PDE4DIP: variants seen among roughly 807,000 people sequenced by gnomAD.
PDE4DIP encodes myomegalin.
In PDE4DIP, 59 loss-of-function variants were observed where a neutral mutation model predicts 221.4. The observed-to-expected ratio is 0.27, with a 90% CI of 0.22 to 0.33. The LOEUF is 0.33. Among genes scored for constraint, PDE4DIP ranks in the 10% least tolerant of loss-of-function variants. The probability of loss-of-function intolerance (pLI) is 1.00; values close to 1 mark genes in which losing one functional copy is unlikely to be tolerated. For synonymous variants in PDE4DIP, 404 were observed against 815.9 expected (o/e 0.50, Z 8.60); for missense variants, 1,036 against 2,154.2 (o/e 0.48, Z 10.28).
chr1:148,861,877 A>G (rs1684350792), intron 1 of PDE4DIP, among the ~76,000 whole-genome samples: 1 of 89,420 alleles, frequency 1.1e-5, no homozygotes, highest in Admixed American at 1.0e-4. Context: ...ACAAGACTCT[A>G]GTGGCTAAAT....
intron 30 of PDE4DIP, among the ~76,000 whole-genome samples, 197 bp downstream of exon 33, chr1:149,009,988 A>G (rs1203237167): frequency 3.3e-5 from 5 of 152,182 alleles, no homozygotes; most frequent in African/African-American, 1.2e-4. Context: ...CGTGGCCTCC[A>G]TGGGCACGTA....
At chr1:148,992,375 G>T in intron 22 of PDE4DIP, 1 of 1,506,924 alleles carries the variant, frequency 6.6e-7, no homozygotes, top group Non-Finnish European at 8.9e-7. Context: ...GGAGGTGGCA[G>T]GGCGGAGGAC....
At chr1:149,010,539 C>G in exon 31 of PDE4DIP, 2 of 1,614,020 alleles carry the variant, frequency 1.2e-6, no homozygotes, top group Non-Finnish European at 1.7e-6. Context: ...AACAGCAACC[C>G]CATCAGCTTG....
intron 1 of PDE4DIP, among the ~76,000 whole-genome samples, chr1:148,915,129 G>GTTTTTTTT (rs1424573990): frequency 4.1e-5 from 6 of 146,560 alleles, no homozygotes; most frequent in South Asian, 2.2e-4. Flanking sequence ...GCTTTCTTCT[G>GTTTTTTTT]GTTTTTTTGT....
At chr1:148,828,890 A>C (rs1187157414) in intron 1 of PDE4DIP, among the ~76,000 whole-genome samples, 7 of 151,220 alleles carry the variant, frequency 4.6e-5, no homozygotes, top group African/African-American at 1.4e-4. Context: ...GATCTGAATA[A>C]ACACACACAC....
At chr1:149,001,652 A>T in exon 24 of PDE4DIP, 6 of 1,614,018 alleles carry the variant, frequency 3.7e-6, no homozygotes, top group Non-Finnish European at 5.1e-6. Flanking sequence ...GGGAGAAGCA[A>T]TGTCTGATGG....
intron 21 of PDE4DIP, among the ~76,000 whole-genome samples, chr1:148,988,241 C>T (rs1234004494): frequency 1.3e-5 from 2 of 151,402 alleles, no homozygotes; most frequent in African/African-American, 4.9e-5. Context: ...CTTTCTCAGT[C>T]TTCAACTTAT....
intron 1 of PDE4DIP, among the ~76,000 whole-genome samples, chr1:148,915,273 A>G (rs1553457472): frequency 6.6e-6 from 1 of 152,170 alleles, no homozygotes. Flanking sequence ...TCAGCCTCCC[A>G]AGTAGCTGGG....
At chr1:148,970,836 C>T (rs369088158) in intron 14 of PDE4DIP, among the ~76,000 whole-genome samples, 4 of 152,220 alleles carry the variant, frequency 2.6e-5, no homozygotes, top group South Asian at 2.1e-4. Context: ...TATTCTGATA[C>T]GTCTAAAATA....
At chr1:148,940,375 GC>G (rs1279023069) in intron 5 of PDE4DIP, among the ~76,000 whole-genome samples, 1 of 152,076 alleles carries the variant, frequency 6.6e-6, no homozygotes, top group Admixed American at 6.6e-5. Context: ...TTTAAACATT[GC>G]CTAATAAAAA....
upstream of PDE4DIP, among the ~76,000 whole-genome samples, chr1:148,886,243 C>G (rs1204321497): frequency 1.5e-4 from 1 of 6,824 alleles, no homozygotes; most frequent in East Asian, 3.3e-3. Flanking sequence ...AATAAGTGTT[C>G]TACCAAATAT....
At chr1:148,819,916 CTTTTTTTTTTTTTTTTT>C (rs10699564) in intron 1 of PDE4DIP, among the ~76,000 whole-genome samples, 3 of 34,792 alleles carry the variant, frequency 8.6e-5, no homozygotes, top group African/African-American at 6.1e-4. Flanking sequence ...CTGTTTATAT[CTTTTTTTTTTTTTTTTT>C]TTTTTTTTTT....
chr1:148,813,727 A>C (rs679826), intron 1 of PDE4DIP, among the ~76,000 whole-genome samples: 106 of 109,672 alleles, frequency 9.7e-4, no homozygotes, highest in African/African-American at 3.8e-3. Context: ...GATCCATTTG[A>C]GTTAACTTTT....
chr1:148,919,277 G>A (rs1402512813), intron 1 of PDE4DIP, among the ~76,000 whole-genome samples: 1 of 151,440 alleles, frequency 6.6e-6, no homozygotes, highest in African/African-American at 2.5e-5. Flanking sequence ...TCATTCTTAT[G>A]GGCAAGAAGG....
chr1:148,978,062 A>G lies in PDE4DIP; in HGVS notation c.2436+9A>G. 3 of 1,610,412 alleles carry G rather than the reference A, an allele frequency of 1.9e-6. No individual in the cohort carries two copies. Among genetic ancestry groups the G allele is most frequent in the Non-Finnish European group, 2.5e-6 (3 of 1,177,590 alleles). Reference sequence around the variant, plus strand: ...AAGAAGATCTCATAAAGGTCTTTCAAAACTTTTTAAAGACCACTGGAAATG... The same window carrying G: ...AAGAAGATCTCATAAAGGTCTTTCAGAACTTTTTAAAGACCACTGGAAATG... On this transcript the variant is annotated intron_variant, in intron 18 of 43. Transcript: ENST00000369354.
rs2052628304 is a variant in PDE4DIP, at chr1:148,949,569, G to T, written c.637-11085G>T. Among the ~76,000 whole-genome samples, 3 of 152,160 alleles carry T rather than the reference G, an allele frequency of 2.0e-5. No homozygotes were observed. In the South Asian group the frequency reaches 6.2e-4, roughly 32 times the overall value. On this transcript the variant is annotated intron_variant, in intron 5 of 43. Coordinates refer to ENST00000369354, the Ensembl canonical transcript of PDE4DIP. ...TGTAGAATAAAAAGTAAATGTCCTT[G>T]TGTAGCCCCACCATAGGTAACCAGT...
intron 43 of PDE4DIP, chr1:149,030,702 T>G: frequency 2.0e-6 from 2 of 983,544 alleles, no homozygotes; most frequent in Non-Finnish European, 1.2e-6. Flanking sequence ...TGCAACCTAA[T>G]AAACTGATTT....
chr1:148,974,986 T>TA (rs1204729065), intron 17 of PDE4DIP, among the ~76,000 whole-genome samples: 1 of 84,964 alleles, frequency 1.2e-5, no homozygotes, highest in Non-Finnish European at 2.4e-5. Context: ...GCCTGGCCAA[T>TA]ATGACGAAAC....
intron 5 of PDE4DIP, among the ~76,000 whole-genome samples, chr1:148,949,316 TC>T (rs1278677519): frequency 6.7e-6 from 1 of 149,952 alleles, no homozygotes; most frequent in Non-Finnish European, 1.5e-5. Context: ...AACTTGTGGA[TC>T]CCCTTTGAAC....
Sources: allele counts gnomAD v4.1 joint callset (sites outside exome capture counted in the v4.1 genomes callset), GRCh38; gene constraint gnomAD v4.1.1; transcripts MANE v1.5; gene names NCBI Gene and HGNC (gene_info 2026-07-23, HGNC 2026-07-21).